Variants in RBM20 observed in about 807,000 individuals in gnomAD.
The protein encoded by RBM20 is RNA binding motif protein 20.
Under a neutral mutation model 110.1 loss-of-function variants are expected in RBM20, and 51 were observed. That is an observed-to-expected ratio of 0.46 (90% CI 0.37 to 0.59). RBM20 has a LOEUF of 0.59. RBM20 is among the 20% of genes least tolerant of loss of function. RBM20 has a pLI of 0.00. For missense variants in RBM20, 1,512 were observed against 1,574.9 expected, an observed-to-expected ratio of 0.96 and a Z score of 0.68; for synonymous variants, 589 against 618.2, an observed-to-expected ratio of 0.95 and a Z score of 0.70.
chr10:110,744,309 A>G (rs1402934636), intron 1 of RBM20, among the ~76,000 whole-genome samples: 1 of 152,182 alleles, frequency 6.6e-6, no homozygotes, highest in African/African-American at 2.4e-5. Context: ...GGGGCCCTTG[A>G]AGGTAGCATT....
chr10:110,826,313 T>C lies in RBM20; in HGVS notation c.3451+2699T>C, dbSNP rs1482420410. ...GCATAGTTTGATCAGTTTTGACCTA[T>C]AAATATACCTGTGAGACCATCACCA... On this transcript the variant is annotated intron_variant, in intron 12 of 13. Coordinates refer to ENST00000369519, the MANE Select transcript of RBM20 (RefSeq NM_001134363.3). Among the ~76,000 whole-genome samples the C allele has an allele frequency of 3.3e-5, 5 of 152,172 alleles. No individual in the cohort carries two copies. In the East Asian group the frequency reaches 9.6e-4, roughly 29 times the overall value.
At chr10:110,724,811 A>C (rs1296019297) in intron 1 of RBM20, among the ~76,000 whole-genome samples, 1 of 152,178 alleles carries the variant, frequency 6.6e-6, no homozygotes, top group East Asian at 1.9e-4. Context: ...TCCGGCACCT[A>C]CTGTAAGTGT....
At chr10:110,765,839 C>T (rs1039267194) in intron 1 of RBM20, among the ~76,000 whole-genome samples, 9 of 151,980 alleles carry the variant, frequency 5.9e-5, no homozygotes, top group African/African-American at 1.9e-4. Flanking sequence ...ACATTGGAAT[C>T]TTTTCTTTCT....
chr10:110,689,769 C>G, intron 1 of RBM20, among the ~76,000 whole-genome samples: 1 of 152,112 alleles, frequency 6.6e-6, no homozygotes, highest in East Asian at 1.9e-4. Flanking sequence ...AGTATAAAGC[C>G]TTTTACAAGT....
At chr10:110,826,859 C>T (rs545311482) in intron 12 of RBM20, among the ~76,000 whole-genome samples, 1 of 152,230 alleles carries the variant, frequency 6.6e-6, no homozygotes, top group South Asian at 2.1e-4. Flanking sequence ...TCCCAAAGTG[C>T]TAGGATTACA....
At chr10:110,760,487 C>T (rs1843983837) in intron 1 of RBM20, among the ~76,000 whole-genome samples, 2 of 84,328 alleles carry the variant, frequency 2.4e-5, no homozygotes, top group South Asian at 5.3e-4. Flanking sequence ...GGCTGGAGTA[C>T]AGTGGCGTGA....
upstream of RBM20, among the ~76,000 whole-genome samples, chr10:110,643,872 C>T (rs1861823267): frequency 6.6e-6 from 1 of 152,178 alleles, no homozygotes; most frequent in South Asian, 2.1e-4. Context: ...AGATGCCAGG[C>T]CCGGCACACT....
rs767243654 is a variant in RBM20, at chr10:110,820,249, A to G, written c.2655+73A>G. The G allele has an allele frequency of 1.2e-5, 12 of 1,002,076 alleles. No individual in the cohort carries two copies. In the Middle Eastern group the frequency reaches 6.5e-4, roughly 54 times the overall value. The allele number at this position is 1,002,076 out of a possible 1,614,324, so 62.1% of individuals were successfully genotyped here. ...ACAGGAGTCCCCCTTTTGCCTGGTG[A>G]TGTCCTGCTGGATGGAATATGGCTG... On this transcript the variant is annotated intron_variant, in intron 10 of 13. Transcript: ENST00000369519.
intron 7 of RBM20, among the ~76,000 whole-genome samples, chr10:110,801,061 C>T (rs772407726): frequency 2.6e-5 from 4 of 152,168 alleles, no homozygotes; most frequent in Non-Finnish European, 5.9e-5. Context: ...GGCATGCTTA[C>T]CTCAACTTTC....
chr10:110,679,330 C>G (rs543027148), intron 1 of RBM20, among the ~76,000 whole-genome samples: 38 of 152,104 alleles, frequency 2.5e-4, no homozygotes, highest in African/African-American at 8.7e-4. Flanking sequence ...CTCAAGTGAT[C>G]CTCTTGCCTC....
intron 13 of RBM20, 62 bp downstream of exon 13, chr10:110,831,244 G>GGT (rs1845048433): frequency 6.6e-7 from 1 of 1,519,438 alleles, no homozygotes; most frequent in African/African-American, 1.4e-5. Context: ...AACCGAGCCA[G>GGT]GTGTCTGGCG....
chr10:110,830,285 A>G (rs1438022955), intron 12 of RBM20, among the ~76,000 whole-genome samples: 1 of 152,180 alleles, frequency 6.6e-6, no homozygotes, highest in African/African-American at 2.4e-5. Flanking sequence ...TGGCTGTGAC[A>G]TTGTCACTCC....
intron 5 of RBM20, among the ~76,000 whole-genome samples, chr10:110,791,585 G>C (rs1293001197): frequency 6.6e-6 from 1 of 152,128 alleles, no homozygotes; most frequent in Non-Finnish European, 1.5e-5. Context: ...AAGTCTGTTT[G>C]CTTCTTTTGC....
Position 110,781,341 on chromosome 10 carries a change from A to G in RBM20, c.732A>G (p.Thr244=), listed in dbSNP as rs750798611. 5.2e-6 allele frequency: 8 copies of G among 1,551,704 alleles called. No homozygotes were observed. The highest frequency in any genetic ancestry group is 3.6e-5 in the South Asian group (3 of 84,064). Residue 244 remains threonine (T), a synonymous_variant, in exon 2 of 14, where the codon ACA becomes ACG. Transcript: ENST00000369519. ...ASSGQTYGPE[T]DGQPGFLPSS... ...CTGGCCAGACATATGGCCCTGAAAC[A>G]GATGGTCAGCCTGGCTTCCTGCCAT...
intron 1 of RBM20, among the ~76,000 whole-genome samples, chr10:110,684,876 C>A (rs1468438194): frequency 6.6e-6 from 1 of 152,130 alleles, no homozygotes; most frequent in African/African-American, 2.4e-5. Context: ...GGGAGCACTC[C>A]GCCGGCCCTG....
At chr10:110,669,813 A>G (rs546037026) in intron 1 of RBM20, among the ~76,000 whole-genome samples, 1 of 152,356 alleles carries the variant, frequency 6.6e-6, no homozygotes, top group African/African-American at 2.4e-5. Flanking sequence ...TTGGGGTGGC[A>G]AGAGTTGTAC....
chr10:110,649,253 T>A (rs1286582189), intron 1 of RBM20, among the ~76,000 whole-genome samples: 6 of 151,874 alleles, frequency 4.0e-5, no homozygotes, highest in South Asian at 2.1e-4. Flanking sequence ...ATTTATATAT[T>A]TATTTATTTA....
intron 12 of RBM20, among the ~76,000 whole-genome samples, chr10:110,830,454 G>GA (rs1845036082): frequency 6.6e-6 from 1 of 151,940 alleles, no homozygotes; most frequent in Non-Finnish European, 1.5e-5. Context: ...ACAATTTCAC[G>GA]AAAAAAAGAG....
rs529403382 is a variant in RBM20, at chr10:110,812,768, C to G, written c.2371C>G (p.Arg791Gly). The change falls in exon 9 of 14, where the codon CGG (arginine) becomes GGG (glycine). Residue 791 changes from arginine (R) to glycine (G), a missense_variant. Around this residue, in one of 3 missense-constraint regions of RBM20, gnomAD observed 1,149 missense variants for 1,169.4 expected, o/e 0.98. Transcript: ENST00000369519. ...RSRRKDEARL[R>G]ESRHPHPDDS... is the part of the protein sequence containing the mutation. The stretch of plus-strand genomic sequence containing the variant: ...CAGGAGGAAAGACGAGGCCAGGCTG[C>G]GGGAAAGCAGACACCCCCATCCGGA... 12 of 1,551,632 alleles carry G rather than the reference C, an allele frequency of 7.7e-6. No individual in the cohort carries two copies. Among genetic ancestry groups the G allele is most frequent in the Non-Finnish European group, 1.0e-5 (12 of 1,146,972 alleles).
Sources: allele counts gnomAD v4.1 joint callset (sites outside exome capture counted in the v4.1 genomes callset), GRCh38; gene constraint gnomAD v4.1.1; regional missense constraint gnomAD v4.1.1; transcripts MANE v1.5; gene names NCBI Gene and HGNC (gene_info 2026-07-23, HGNC 2026-07-21).